KIRREL3: variants seen among roughly 807,000 people sequenced by gnomAD.
KIRREL3 encodes the protein kirre like nephrin family adhesion molecule 3, also known as kin of IRRE-like protein 3.
KIRREL3 carries 36 observed loss-of-function variants against 89.7 expected under a neutral mutation model. The ratio of observed to expected loss-of-function variants is 0.40; its 90% CI spans 0.31 to 0.53. The LOEUF is 0.53. Ranked by LOEUF, KIRREL3 falls within the 20% of genes least tolerant of loss-of-function variation. KIRREL3 has a pLI of 0.49. For missense variants in KIRREL3, 864 were observed against 1,056.6 expected, an observed-to-expected ratio of 0.82 and a Z score of 2.53; for synonymous variants, 445 against 441.4, an observed-to-expected ratio of 1.01 and a Z score of -0.10.
rs1317863330 is a variant in KIRREL3 at position 126,771,053 on chromosome 11, A to G, written c.56-208141T>C. On this transcript the variant is annotated intron_variant, in intron 1 of 16. Transcript: ENST00000525144. The surrounding 1 kb of genome is among the most constrained non-coding windows in gnomAD (Gnocchi z 4.4). ...GTTTTGCCATGTTGACCGGGCTGGG[A>G]TTGAACTCCTGACCTCAGGGTGATC... Among the ~76,000 whole-genome samples the G allele has an allele frequency of 1.3e-5, 2 of 152,080 alleles. No homozygotes were observed. Among genetic ancestry groups the G allele is most frequent in the Admixed American group, 6.6e-5 (1 of 15,266 alleles).
chr11:126,674,829 A>G (rs557447634), intron 1 of KIRREL3, among the ~76,000 whole-genome samples: 1 of 152,276 alleles, frequency 6.6e-6, no homozygotes, highest in East Asian at 1.9e-4. Flanking sequence ...CCAGTCCCTC[A>G]GCCTGGGCCA....
chr11:126,549,106 G>T (rs772905268), intron 2 of KIRREL3, among the ~76,000 whole-genome samples: 1 of 152,148 alleles, frequency 6.6e-6, no homozygotes, highest in Non-Finnish European at 1.5e-5. Flanking sequence ...CATTTGACTC[G>T]GAGATGGGGA....
chr11:126,866,293 C>G (rs1444659054), intron 1 of KIRREL3, among the ~76,000 whole-genome samples: 1 of 152,182 alleles, frequency 6.6e-6, no homozygotes, highest in East Asian at 1.9e-4. Context: ...CCCTTTCCAC[C>G]TGGCCTGGCC....
Position 126,837,975 on chromosome 11 carries a change from T to G in KIRREL3, c.55+162480A>C, listed in dbSNP as rs1943836632. 2.0e-5 allele frequency among the ~76,000 whole-genome samples: 3 copies of G among 152,200 alleles called. 1 individual carries two copies. In the South Asian group the frequency reaches 6.2e-4, roughly 32 times the overall value. On this transcript the variant is annotated intron_variant, in intron 1 of 16. Coordinates refer to ENST00000525144, the MANE Select transcript of KIRREL3 (RefSeq NM_032531.4). This position sits in a 1 kb window ranked among gnomAD's most constrained non-coding sequence, Gnocchi z 4.7. ...ATCATTATCTTGGGTTATTTGGAAT[T>G]CACGTTATTTATATTACTAATCCTG...
chr11:126,837,460 G>A lies in KIRREL3; in HGVS notation c.55+162995C>T, dbSNP rs1391545207. ...GAGTGGAAGAGAAACCTGGTGAATT[G>A]GTGGGTAGGAGTCTCTATCATGGAA... On this transcript the variant is annotated intron_variant, in intron 1 of 16. Transcript: ENST00000525144. The surrounding 1 kb of genome is among the most constrained non-coding windows in gnomAD (Gnocchi z 4.7). Among the ~76,000 whole-genome samples the A allele has an allele frequency of 6.6e-6, 1 of 152,152 alleles. No homozygotes were observed. Among genetic ancestry groups the A allele is most frequent in the African/African-American group, 2.4e-5 (1 of 41,440 alleles).
chr11:126,711,040 A>G (rs1230154054), intron 1 of KIRREL3, among the ~76,000 whole-genome samples: 1 of 152,130 alleles, frequency 6.6e-6, no homozygotes, highest in African/African-American at 2.4e-5. Context: ...CCCCCAAGAA[A>G]AATCTGTGGT....
rs1491448210 is a variant in KIRREL3 at position 126,689,041 on chromosome 11, GAA to G, written c.56-126131_56-126130del. 4.9e-4 allele frequency among the ~76,000 whole-genome samples: 63 copies of G among 129,496 alleles called. No homozygotes were observed. Among genetic ancestry groups the G allele is most frequent in the East Asian group, 6.8e-4 (3 of 4,394 alleles). The allele number at this position is 129,496 out of a possible 152,430, so 85.0% of individuals were successfully genotyped here. On this transcript the variant is annotated intron_variant, in intron 1 of 16. Transcript: ENST00000525144. The surrounding 1 kb of genome is among the most constrained non-coding windows in gnomAD (Gnocchi z 5.2). ...TATGTGTGTGTGTGTAAGGGGGAGA[GAA>G]GAGAGAGAGAGAGAGAGAGAGAGAG... is the stretch of plus-strand genomic sequence containing the variant.
intron 1 of KIRREL3, among the ~76,000 whole-genome samples, chr11:126,712,714 T>C (rs2134149324): frequency 6.6e-6 from 1 of 152,184 alleles, no homozygotes; most frequent in Non-Finnish European, 1.5e-5. Context: ...CCCTCTGAGG[T>C]TGGCGACAAC....
At chr11:126,584,112 C>T (rs554073149) in intron 1 of KIRREL3, among the ~76,000 whole-genome samples, 1 of 152,272 alleles carries the variant, frequency 6.6e-6, no homozygotes, top group Non-Finnish European at 1.5e-5. Context: ...GTATCCGTCA[C>T]AAAGCCATCC....
In KIRREL3 at chr11:126,571,823, T is replaced by G. The variant is rs558291746; in HGVS notation, c.56-8911A>C. On this transcript the variant is annotated intron_variant, in intron 1 of 16. Transcript: ENST00000525144. This position sits in a 1 kb window ranked among gnomAD's most constrained non-coding sequence, Gnocchi z 7.7. Reference sequence around the variant, plus strand: ...TTTTACGGGAAACAGTTTTATCCCATGTGCAAGGATGCCTCAGCCCGTCTC... The same window carrying G: ...TTTTACGGGAAACAGTTTTATCCCAGGTGCAAGGATGCCTCAGCCCGTCTC... 9.2e-5 allele frequency among the ~76,000 whole-genome samples: 14 copies of G among 152,326 alleles called. No individual in the cohort carries two copies. In the South Asian group the frequency reaches 2.9e-3, roughly 32 times the overall value.
Position 126,996,263 on chromosome 11 carries a change from TG to T in KIRREL3, c.55+4191del, listed in dbSNP as rs1950177162. On this transcript the variant is annotated intron_variant, in intron 1 of 16. Coordinates refer to ENST00000525144, the MANE Select transcript of KIRREL3 (RefSeq NM_032531.4). This position sits in a 1 kb window ranked among gnomAD's most constrained non-coding sequence, Gnocchi z 4.7. ...CCTCTAGACAAGACGTCATCCCACA[TG>T]GGGTTCTGGTAGGAGGGAGAAACAC... 1.3e-5 allele frequency among the ~76,000 whole-genome samples: 2 copies of T among 152,370 alleles called. No homozygotes were observed. The highest frequency in any genetic ancestry group is 4.1e-4 in the South Asian group (2 of 4,828).
chr11:126,716,608 G>C (rs1947970649), intron 1 of KIRREL3, among the ~76,000 whole-genome samples: 1 of 152,100 alleles, frequency 6.6e-6, no homozygotes, highest in Admixed American at 6.5e-5. Flanking sequence ...GACACTCACT[G>C]TGGCCTGTGA....
intron 1 of KIRREL3, among the ~76,000 whole-genome samples, chr11:126,962,378 G>A (rs1182707911): frequency 6.6e-6 from 1 of 152,162 alleles, no homozygotes; most frequent in African/African-American, 2.4e-5. Flanking sequence ...TGACTTTGAG[G>A]GGTTCAAGAT....
At chr11:126,894,478 G>A (rs531843085) in intron 1 of KIRREL3, among the ~76,000 whole-genome samples, 4 of 144,344 alleles carry the variant, frequency 2.8e-5, no homozygotes, top group African/African-American at 1.0e-4. Flanking sequence ...GGAGGCCAAG[G>A]TGGGCAGATC....
At chr11:126,482,632 C>T (rs1405376615) in intron 4 of KIRREL3, among the ~76,000 whole-genome samples, 1 of 152,206 alleles carries the variant, frequency 6.6e-6, no homozygotes, top group Admixed American at 6.5e-5. Flanking sequence ...GATAGACGGG[C>T]AGGGGAGCTG....
intron 1 of KIRREL3, among the ~76,000 whole-genome samples, chr11:126,692,588 C>T (rs1946923254): frequency 6.9e-6 from 1 of 145,406 alleles, no homozygotes; most frequent in African/African-American, 2.5e-5. Context: ...TGGAAACAAC[C>T]CAAGTATTCA....
Position 126,531,011 on chromosome 11 carries a change from G to A in KIRREL3, c.134-4324C>T, listed in dbSNP as rs1049270809. Among the ~76,000 whole-genome samples, 1 of 151,836 alleles carries A rather than the reference G, an allele frequency of 6.6e-6. No individual in the cohort carries two copies. Among genetic ancestry groups the A allele is most frequent in the African/African-American group, 2.4e-5 (1 of 41,298 alleles). ...ATGTCTGGTAATTTTTGTATTTTTA[G>A]TAGAGACAGGGTTTCACCATATTGG... On this transcript the variant is annotated intron_variant, in intron 2 of 16. Transcript: ENST00000525144. This position sits in a 1 kb window ranked among gnomAD's most constrained non-coding sequence, Gnocchi z 4.7.
intron 1 of KIRREL3, among the ~76,000 whole-genome samples, chr11:126,632,585 G>C (rs1944076549): frequency 1.3e-5 from 2 of 152,018 alleles, no homozygotes; most frequent in South Asian, 4.2e-4. Flanking sequence ...TGACACATTG[G>C]CAATAACACA....
At position 126,686,470 on chromosome 11, in the gene KIRREL3, G is replaced by A. The variant is rs1946669417; in HGVS notation, c.56-123558C>T. 6.6e-6 allele frequency among the ~76,000 whole-genome samples: 1 copy of A among 152,056 alleles called. No homozygotes were observed. Among genetic ancestry groups the A allele is most frequent in the African/African-American group, 2.4e-5 (1 of 41,422 alleles). On this transcript the variant is annotated intron_variant, in intron 1 of 16. Coordinates refer to ENST00000525144, the MANE Select transcript of KIRREL3 (RefSeq NM_032531.4). The surrounding 1 kb of genome is among the most constrained non-coding windows in gnomAD (Gnocchi z 4.7). ...AATGGAAGATACACAAAGGAAGGGA[G>A]TCCCAAGCTGAATGTTCTGATAGGG...
Sources: gnomAD v4.1 joint callset for allele counts (sites outside exome capture counted in the v4.1 genomes callset) on GRCh38, gnomAD v4.1.1 for gene constraint, Gnocchi (gnomAD v3.1) non-coding constraint, MANE v1.5 for transcripts, NCBI Gene and HGNC (gene_info 2026-07-23, HGNC 2026-07-21) for gene names.